SLC33A1: variants seen among roughly 807,000 people sequenced by gnomAD.
SLC33A1 encodes solute carrier family 33 member 1, also known as acetyl-coenzyme A transporter 1.
SLC33A1 carries 20 observed loss-of-function variants against 50.0 expected under a neutral mutation model. The ratio of observed to expected loss-of-function variants is 0.40; its 90% CI spans 0.28 to 0.58. The LOEUF (loss-of-function observed/expected upper bound fraction) is 0.58, where lower values mean the gene tolerates loss of function less well. Ranked by LOEUF, SLC33A1 falls within the 20% of genes least tolerant of loss-of-function variation. SLC33A1 has a pLI of 0.44. For missense variants in SLC33A1, 476 were observed against 657.0 expected (o/e 0.72, Z 3.01); for synonymous variants, 265 against 251.8 (o/e 1.05, Z -0.50).
rs1752083557 is a variant in SLC33A1 at position 155,821,399 on chromosome 3, G to C, written c.*6811C>G. The C allele has an allele frequency of 6.6e-6, 1 of 151,954 alleles. No homozygotes were observed. Among genetic ancestry groups the C allele is most frequent in the African/African-American group, 2.4e-5 (1 of 41,360 alleles). 9.4% of individuals were successfully genotyped at this position (151,954 alleles called of 1,614,324 possible). On this transcript the variant is annotated 3_prime_UTR_variant, in exon 6 of 6. Transcript: ENST00000643144. ...TAATTCTTGCAAAGGCAACATCTGGGGACAACAATAGATATAGACTCACCA... is the reference window on the plus strand; with the variant it reads ...TAATTCTTGCAAAGGCAACATCTGGCGACAACAATAGATATAGACTCACCA...
In SLC33A1 at chr3:155,826,815, T is replaced by C. The variant is rs1257082812; in HGVS notation, c.*1395A>G. ...ACTTATAAAAACCCCACTCTAAAAT[T>C]CAACCTATGTTATAAAATTAACAAA... On this transcript the variant is annotated 3_prime_UTR_variant, in exon 6 of 6. Transcript: ENST00000643144. 1 of 152,174 alleles carries C rather than the reference T, an allele frequency of 6.6e-6. No homozygotes were observed. The highest frequency in any genetic ancestry group is 1.5e-5 in the Non-Finnish European group (1 of 68,026). 9.4% of individuals were successfully genotyped at this position (152,174 alleles called of 1,614,324 possible).
intron 2 of SLC33A1, among the ~76,000 whole-genome samples, chr3:155,840,738 C>G (rs1045987617): frequency 4.6e-5 from 7 of 152,132 alleles, no homozygotes; most frequent in African/African-American, 1.7e-4. Context: ...CGCTTGAACC[C>G]GGGAGGTGGA....
At chr3:155,840,624 G>A (rs1646574907) in intron 2 of SLC33A1, among the ~76,000 whole-genome samples, 1 of 151,896 alleles carries the variant, frequency 6.6e-6, no homozygotes, top group Non-Finnish European at 1.5e-5. Context: ...AGACCAGCCT[G>A]ACCTACATGG....
chr3:155,836,850 C>T (rs1000255932), intron 2 of SLC33A1, among the ~76,000 whole-genome samples: 1 of 152,058 alleles, frequency 6.6e-6, no homozygotes, highest in Non-Finnish European at 1.5e-5. Flanking sequence ...TGTGATGGTG[C>T]CACTGCACTC....
chr3:155,843,680 C>T (rs767725672), intron 1 of SLC33A1, among the ~76,000 whole-genome samples: 5 of 148,082 alleles, frequency 3.4e-5, no homozygotes, highest in East Asian at 1.9e-4. Context: ...ACTTCTACAG[C>T]CCAATAGATC....
rs1752147681 is a variant in SLC33A1, at chr3:155,823,984, G to A, written c.*4226C>T. The stretch of plus-strand genomic sequence containing the variant: ...CCACCTCGGCCTCCCAAAGGGTTGG[G>A]ATTACAGGCGTGAGCCACCATGCCC... On this transcript the variant is annotated 3_prime_UTR_variant, in exon 6 of 6. Coordinates refer to ENST00000643144, the MANE Select transcript of SLC33A1 (RefSeq NM_004733.4). 1 of 152,122 alleles carries A rather than the reference G, an allele frequency of 6.6e-6. No homozygotes were observed. Among genetic ancestry groups the A allele is most frequent in the South Asian group, 2.1e-4 (1 of 4,824 alleles). The allele number at this position is 152,122 out of a possible 1,614,324, so 9.4% of individuals were successfully genotyped here.
At chr3:155,841,552 T>C (rs1017128609) in intron 2 of SLC33A1, among the ~76,000 whole-genome samples, 7 of 152,276 alleles carry the variant, frequency 4.6e-5, no homozygotes, top group Middle Eastern at 6.8e-3. Context: ...TAACAAAATA[T>C]ACTTACCTTA....
In SLC33A1 at chr3:155,835,918, G is replaced by A. The variant is rs183784212; in HGVS notation, c.964-1877C>T. 3.9e-5 allele frequency among the ~76,000 whole-genome samples: 6 copies of A among 152,062 alleles called. No individual in the cohort carries two copies. The East Asian group carries it at 1.2e-3, about 29-fold the overall frequency. On this transcript the variant is annotated intron_variant, in intron 2 of 5. Coordinates refer to ENST00000643144, the MANE Select transcript of SLC33A1 (RefSeq NM_004733.4). Reference sequence around the variant, plus strand: ...GTCCACGTCCTTGATCTCTGTGGCTGTGAGACAGCAAACCTCAGGTACTAC... The same window carrying A: ...GTCCACGTCCTTGATCTCTGTGGCTATGAGACAGCAAACCTCAGGTACTAC...
intron 1 of SLC33A1, among the ~76,000 whole-genome samples, chr3:155,847,068 C>T (rs1029047755): frequency 6.6e-6 from 1 of 151,736 alleles, no homozygotes; most frequent in African/African-American, 2.4e-5. Context: ...AGTAACCAGG[C>T]ATGGTGGCAC....
At chr3:155,840,531 A>G (rs1752889084) in intron 2 of SLC33A1, among the ~76,000 whole-genome samples, 1 of 152,044 alleles carries the variant, frequency 6.6e-6, no homozygotes, top group Admixed American at 6.6e-5. Flanking sequence ...AAAGTACAAA[A>G]AAATTGCCAG....
rs1752213132 is a variant in SLC33A1 at position 155,826,807 on chromosome 3, T to G, written c.*1403A>C. ...CCTCCATTACTTATAAAAACCCCAC[T>G]CTAAAATTCAACCTATGTTATAAAA... On this transcript the variant is annotated 3_prime_UTR_variant, in exon 6 of 6. Coordinates refer to ENST00000643144, the MANE Select transcript of SLC33A1 (RefSeq NM_004733.4). 6.6e-6 allele frequency: 1 copy of G among 152,136 alleles called. No homozygotes were observed. The highest frequency in any genetic ancestry group is 1.5e-5 in the Non-Finnish European group (1 of 68,012). 9.4% of individuals were successfully genotyped at this position (152,136 alleles called of 1,614,324 possible). A position where few individuals can be genotyped will look rare whatever the true frequency, so the allele number is the denominator to read the frequency against.
At chr3:155,828,435 A>C in intron 5 of SLC33A1, 58 bp from the exon 6 acceptor site, 1 of 948,512 alleles carries the variant, frequency 1.1e-6, no homozygotes, top group South Asian at 1.3e-5. Flanking sequence ...GTATTTAGCA[A>C]TTAACATGCT....
intron 1 of SLC33A1, among the ~76,000 whole-genome samples, chr3:155,849,545 T>C (rs924562449): frequency 4.0e-5 from 6 of 150,798 alleles, no homozygotes; most frequent in Admixed American, 2.0e-4. Flanking sequence ...AAAAGTAAGC[T>C]AGTTATAGAA....
chr3:155,840,994 T>A (rs564878556), intron 2 of SLC33A1, among the ~76,000 whole-genome samples: 13 of 151,662 alleles, frequency 8.6e-5, no homozygotes, highest in South Asian at 4.2e-4. Context: ...AAAAAAAATA[T>A]ATATATATAT....
chr3:155,832,017 G>C (rs1752455681), intron 4 of SLC33A1, among the ~76,000 whole-genome samples: 1 of 152,212 alleles, frequency 6.6e-6, no homozygotes, highest in Non-Finnish European at 1.5e-5. Flanking sequence ...AATAACTGCA[G>C]TTAAGTCCCA....
In SLC33A1 at chr3:155,842,552, T is replaced by G; in HGVS notation, c.843A>C (p.Glu281Asp). Residue 281 changes from glutamate to aspartate, a missense_variant, in exon 2 of 6, where the codon GAA becomes GAC. By Grantham distance (45) the Glu-to-Asp change is conservative (BLOSUM62 2). Transcript: ENST00000643144. ...CTTCTTTTACTACTGATACTTCGTT[T>G]TCTTTTTTCAGAAGGGCAACCAATG... is the stretch of plus-strand genomic sequence containing the variant. ...TTTLVALLKK[E>D]NEVSVVKEET... 1.9e-6 allele frequency: 3 copies of G among 1,605,408 alleles called. No individual in the cohort carries two copies. Among genetic ancestry groups the G allele is most frequent in the Non-Finnish European group, 2.6e-6 (3 of 1,175,116 alleles).
intron 2 of SLC33A1, among the ~76,000 whole-genome samples, chr3:155,841,048 C>CT (rs1386902091): frequency 4.0e-4 from 59 of 146,078 alleles, no homozygotes; most frequent in African/African-American, 5.5e-4. Flanking sequence ...ACTTTCCATT[C>CT]TTTTTTTTTT....
intron 5 of SLC33A1, among the ~76,000 whole-genome samples, chr3:155,829,116 G>C (rs1752307893): frequency 6.6e-6 from 1 of 151,958 alleles, no homozygotes; most frequent in Non-Finnish European, 1.5e-5. Context: ...TGCCCAGGCT[G>C]GTGTCAAACT....
intron 2 of SLC33A1, among the ~76,000 whole-genome samples, chr3:155,835,199 G>A (rs1388208029): frequency 1.3e-5 from 2 of 152,150 alleles, no homozygotes; most frequent in Non-Finnish European, 2.9e-5. Context: ...GAAGACATAT[G>A]TAATGGATAT....
Sources: gnomAD v4.1 joint callset for allele counts (sites outside exome capture counted in the v4.1 genomes callset) on GRCh38, gnomAD v4.1.1 for gene constraint, MANE v1.5 for transcripts, NCBI Gene and HGNC (gene_info 2026-07-23, HGNC 2026-07-21) for gene names.